The following ARSJ variants were observed in gnomAD, a reference collection of about 807,000 sequenced individuals.
ARSJ encodes the protein arylsulfatase J.
In ARSJ, 26 loss-of-function variants were observed where a neutral mutation model predicts 35.9. That is an observed-to-expected ratio of 0.72 (90% CI 0.53 to 1.00). The LOEUF (loss-of-function observed/expected upper bound fraction) is 1.00. Among genes scored for constraint, ARSJ ranks in the 50% least tolerant of loss-of-function variants. ARSJ has a pLI of 0.00. For synonymous variants in ARSJ, 294 were observed against 267.6 expected, an observed-to-expected ratio of 1.10 and a Z score of -0.96; for missense variants, 667 against 723.6, an observed-to-expected ratio of 0.92 and a Z score of 0.90.
chr4:113,950,340 T>C (rs550867908), intron 1 of ARSJ, among the ~76,000 whole-genome samples: 1 of 152,214 alleles, frequency 6.6e-6, no homozygotes, highest in Non-Finnish European at 1.5e-5. Context: ...TGCAACCTCA[T>C]CATTGCTTTA....
chr4:113,905,696 C>G (rs1293721576), intron 1 of ARSJ, among the ~76,000 whole-genome samples: 16 of 97,390 alleles, frequency 1.6e-4, no homozygotes, highest in South Asian at 3.5e-4. Flanking sequence ...TTTAGACAGT[C>G]TCGCTCTATC....
intron 1 of ARSJ, among the ~76,000 whole-genome samples, chr4:113,938,845 A>C (rs935756715): frequency 1.3e-5 from 2 of 152,054 alleles, no homozygotes; most frequent in African/African-American, 4.8e-5. Flanking sequence ...CATTAGAGAA[A>C]TGCATATCAA....
At chr4:113,973,209 G>C (rs1193149985) in intron 1 of ARSJ, among the ~76,000 whole-genome samples, 1 of 152,016 alleles carries the variant, frequency 6.6e-6, no homozygotes, top group Non-Finnish European at 1.5e-5. Flanking sequence ...TCTGACCTTA[G>C]CACTCATTAC....
chr4:113,979,559 A>G lies in ARSJ; in HGVS notation c.-725T>C, dbSNP rs1316957158. On this transcript the variant is annotated 5_prime_UTR_variant, in exon 1 of 2. Transcript: ENST00000315366. ...CCCGCTGCTAGGGAGCCTGAAGGCCAAAGCCGGGTCCCTAGCCCCGCGGCC... is the reference window on the plus strand; with the variant it reads ...CCCGCTGCTAGGGAGCCTGAAGGCCGAAGCCGGGTCCCTAGCCCCGCGGCC... The G allele has an allele frequency of 6.6e-6, 1 of 152,294 alleles. No individual in the cohort carries two copies. Among genetic ancestry groups the G allele is most frequent in the African/African-American group, 2.4e-5 (1 of 41,470 alleles). 9.4% of individuals were successfully genotyped at this position (152,294 alleles called of 1,614,324 possible).
chr4:113,925,199 G>A (rs1157186028), intron 1 of ARSJ, among the ~76,000 whole-genome samples: 1 of 152,244 alleles, frequency 6.6e-6, no homozygotes, highest in East Asian at 1.9e-4. Flanking sequence ...GGAACCCAAA[G>A]TGTCCAGGTG....
chr4:113,948,188 T>TA (rs199969521), intron 1 of ARSJ, among the ~76,000 whole-genome samples: 10 of 151,466 alleles, frequency 6.6e-5, no homozygotes, highest in East Asian at 1.9e-4. Context: ...GATTCTGTCT[T>TA]AAAAAAAAAT....
intron 1 of ARSJ, among the ~76,000 whole-genome samples, chr4:113,946,988 A>G (rs1052674785): frequency 1.3e-5 from 2 of 152,148 alleles, no homozygotes; most frequent in African/African-American, 4.8e-5. Flanking sequence ...GAGAGGCATC[A>G]GCAAAATGAA....
At chr4:113,905,154 C>T (rs2149247906) in intron 1 of ARSJ, among the ~76,000 whole-genome samples, 1 of 152,144 alleles carries the variant, frequency 6.6e-6, no homozygotes, top group East Asian at 1.9e-4. Flanking sequence ...TAGTTAGTTT[C>T]TGACATTTAA....
chr4:113,958,816 C>T (rs1271505880), intron 1 of ARSJ, among the ~76,000 whole-genome samples: 1 of 151,972 alleles, frequency 6.6e-6, no homozygotes, highest in African/African-American at 2.4e-5. Context: ...TATATTTTCT[C>T]CTCAGCCTTC....
At chr4:113,925,523 G>C (rs182815815) in intron 1 of ARSJ, among the ~76,000 whole-genome samples, 3 of 152,110 alleles carry the variant, frequency 2.0e-5, no homozygotes, top group African/African-American at 7.2e-5. Context: ...CGTTGTAATT[G>C]TGATTTCAAA....
At chr4:113,976,026 G>A (rs1488159419) in intron 1 of ARSJ, among the ~76,000 whole-genome samples, 1 of 152,058 alleles carries the variant, frequency 6.6e-6, no homozygotes, top group Admixed American at 6.5e-5. Flanking sequence ...ACACATGAAC[G>A]CTTATTGACA....
chr4:113,927,712 T>C (rs564922949), intron 1 of ARSJ, among the ~76,000 whole-genome samples: 2 of 152,306 alleles, frequency 1.3e-5, no homozygotes, highest in East Asian at 1.9e-4. Context: ...TACTTGGTTA[T>C]GCTTAGGAGA....
intron 1 of ARSJ, among the ~76,000 whole-genome samples, chr4:113,939,268 T>C (rs537442682): frequency 1.4e-3 from 134 of 94,404 alleles, no homozygotes; most frequent in African/African-American, 4.6e-3. Context: ...TGCATAGTAT[T>C]CCATGTGTAT....
At chr4:113,934,402 A>G (rs1594442756) in intron 1 of ARSJ, among the ~76,000 whole-genome samples, 1 of 152,016 alleles carries the variant, frequency 6.6e-6, no homozygotes, top group African/African-American at 2.4e-5. Flanking sequence ...TTATTCATCA[A>G]TAAAAAAGAA....
chr4:113,911,647 G>A (rs2099670498), intron 1 of ARSJ, among the ~76,000 whole-genome samples: 1 of 152,140 alleles, frequency 6.6e-6, no homozygotes, highest in South Asian at 2.1e-4. Context: ...GTGGCCGGGT[G>A]TAAGGAAATC....
At chr4:113,948,008 G>A (rs1196835761) in intron 1 of ARSJ, among the ~76,000 whole-genome samples, 1 of 151,992 alleles carries the variant, frequency 6.6e-6, no homozygotes, top group Non-Finnish European at 1.5e-5. Flanking sequence ...GGGCAACATG[G>A]TGAAACCCCA....
At chr4:113,972,300 AAAAAAAC>A (rs1450731079) in intron 1 of ARSJ, among the ~76,000 whole-genome samples, 1 of 143,270 alleles carries the variant, frequency 7.0e-6, no homozygotes, top group East Asian at 2.1e-4. Context: ...CTGGAAAAAA[AAAAAAAC>A]AAAAAAAAAA....
intron 1 of ARSJ, among the ~76,000 whole-genome samples, chr4:113,967,527 A>C (rs1424159144): frequency 6.6e-6 from 1 of 152,128 alleles, no homozygotes; most frequent in Non-Finnish European, 1.5e-5. Flanking sequence ...TGATGAGGAG[A>C]TCTACAGGCT....
At chr4:113,930,690 A>T (rs1724383174) in intron 1 of ARSJ, among the ~76,000 whole-genome samples, 1 of 151,820 alleles carries the variant, frequency 6.6e-6, no homozygotes, top group Non-Finnish European at 1.5e-5. Context: ...TACCCAAAGG[A>T]CTATAAATCA....
Sources: allele counts gnomAD v4.1 joint callset (sites outside exome capture counted in the v4.1 genomes callset), GRCh38; gene constraint gnomAD v4.1.1; transcripts MANE v1.5; gene names NCBI Gene and HGNC (gene_info 2026-07-23, HGNC 2026-07-21).